Variants in TUNAR observed in about 807,000 individuals in gnomAD.
The protein encoded by TUNAR is transmembrane neural differentiation associated intracellular calcium regulator.
intron 2 of TUNAR, among the ~76,000 whole-genome samples, chr14:95,888,066 T>C (rs1378424678): frequency 6.6e-6 from 1 of 152,218 alleles, no homozygotes; most frequent in Non-Finnish European, 1.5e-5. Context: ...TCGAGTCAGA[T>C]TGTGAGGCAC....
At chr14:95,913,247 T>C (rs769331974) in intron 2 of TUNAR, among the ~76,000 whole-genome samples, 2 of 151,500 alleles carry the variant, frequency 1.3e-5, no homozygotes, top group Non-Finnish European at 2.9e-5. Context: ...GCTGCACCCA[T>C]CAACCCATCA....
rs1888983053 is a variant in TUNAR, at chr14:95,881,766, A to G, written c.12+4589A>G. Among the ~76,000 whole-genome samples the G allele has an allele frequency of 1.3e-5, 2 of 152,200 alleles. 1 individual carries two copies. The highest frequency in any genetic ancestry group is 4.1e-4 in the South Asian group (2 of 4,826). ...AGTGTGCAGAGCTGGCCAAGCATCC[A>G]CCATTCCCAGGACCAGAGATTCCAG... On this transcript the variant is annotated intron_variant, in intron 2 of 2. Transcript: ENST00000678517.
intron 2 of TUNAR, 55 bp from the exon 2 acceptor site, chr14:95,922,726 A>G (rs559002539): frequency 2.5e-6 from 1 of 396,240 alleles, no homozygotes; most frequent in East Asian, 3.6e-5. Context: ...CTGCCTGGCT[A>G]TGGAGGGCAT....
intron 2 of TUNAR, among the ~76,000 whole-genome samples, chr14:95,912,420 T>TAA (rs1889528372): frequency 6.6e-6 from 1 of 152,224 alleles, no homozygotes; most frequent in African/African-American, 2.4e-5. Context: ...TAATATTGTC[T>TAA]AAATAGATGC....
chr14:95,921,194 A>G (rs541291753), intron 2 of TUNAR, among the ~76,000 whole-genome samples: 24 of 152,280 alleles, frequency 1.6e-4, no homozygotes, highest in African/African-American at 5.5e-4. Context: ...TCCCAATTCA[A>G]ATGTTAATCT....
chr14:95,877,166 A>T (rs1479375000), exon 2 of TUNAR: 1 of 151,456 alleles, frequency 6.6e-6, no homozygotes, highest in Non-Finnish European at 1.5e-5. Context: ...CCGCCTCCGG[A>T]TGCGCTTCTC....
intron 2 of TUNAR, among the ~76,000 whole-genome samples, chr14:95,892,293 G>A (rs1258580254): frequency 1.3e-5 from 2 of 152,254 alleles, no homozygotes; most frequent in Non-Finnish European, 2.9e-5. Context: ...GTGCTCATGA[G>A]TCCCTCTGCC....
intron 2 of TUNAR, among the ~76,000 whole-genome samples, chr14:95,898,543 T>C (rs1187533348): frequency 6.6e-6 from 1 of 152,252 alleles, no homozygotes; most frequent in Non-Finnish European, 1.5e-5. Flanking sequence ...GATTATATTC[T>C]TCTACATTTT....
intron 2 of TUNAR, among the ~76,000 whole-genome samples, chr14:95,877,621 T>C (rs2139648640): frequency 6.6e-6 from 1 of 152,256 alleles, no homozygotes; most frequent in South Asian, 2.1e-4. Flanking sequence ...GGTCACAAGG[T>C]TAGGAAGTGG....
At chr14:95,879,425 T>A (rs926477482) in intron 2 of TUNAR, among the ~76,000 whole-genome samples, 1 of 152,206 alleles carries the variant, frequency 6.6e-6, no homozygotes, top group Non-Finnish European at 1.5e-5. Context: ...TAGCTTCTCA[T>A]GATTAACTGG....
At chr14:95,878,119 G>C (rs779113920) in intron 2 of TUNAR, among the ~76,000 whole-genome samples, 8 of 152,174 alleles carry the variant, frequency 5.3e-5, no homozygotes, top group Admixed American at 3.3e-4. Flanking sequence ...CACTGTGCAG[G>C]GGCTGGCCCA....
chr14:95,899,966 T>C (rs1595120265), intron 2 of TUNAR, among the ~76,000 whole-genome samples: 2 of 152,234 alleles, frequency 1.3e-5, no homozygotes, highest in Non-Finnish European at 2.9e-5. Flanking sequence ...AACTTTCTCC[T>C]ATAGAATATT....
chr14:95,914,922 G>A (rs1435774714), intron 2 of TUNAR, among the ~76,000 whole-genome samples: 1 of 152,106 alleles, frequency 6.6e-6, no homozygotes, highest in African/African-American at 2.4e-5. Flanking sequence ...CAAAAACCGT[G>A]GTGCTCCCTT....
intron 2 of TUNAR, among the ~76,000 whole-genome samples, chr14:95,898,422 C>A (rs1056409892): frequency 3.3e-5 from 5 of 152,202 alleles, no homozygotes; most frequent in African/African-American, 4.8e-5. Context: ...AAGCCCACGT[C>A]CTTCAGCTCT....
rs1009406918 is a variant in TUNAR, at chr14:95,916,315, C to G, written c.13-6466C>G. On this transcript the variant is annotated intron_variant, in intron 2 of 2. Transcript: ENST00000678517. ...CTTTGTGTTTTTATCACACTTGTAT[C>G]TCCATATAAAATATTGTTAGAATCT... Among the ~76,000 whole-genome samples the G allele has an allele frequency of 3.3e-5, 5 of 152,324 alleles. 1 individual carries two copies. The South Asian group carries it at 1.0e-3, about 32-fold the overall frequency.
chr14:95,916,218 GCATCCTCTC>G lies in TUNAR; in HGVS notation c.13-6556_13-6548del, dbSNP rs143519635. On this transcript the variant is annotated intron_variant, in intron 2 of 2. Transcript: ENST00000678517. ...TTACCAGTGGCTTAGAGAGTCCTGAGCATCCTCTCCATCCTGTCCACTTAGTGGGAACCA... is the reference window on the plus strand; with the variant it reads ...TTACCAGTGGCTTAGAGAGTCCTGAGCATCCTGTCCACTTAGTGGGAACCA... Among the ~76,000 whole-genome samples, 501 of 152,320 alleles carry G rather than the reference GCATCCTCTC, an allele frequency of 3.3e-3. 5 individuals are homozygous for G. The highest frequency in any genetic ancestry group is 0.012 in the African/African-American group (483 of 41,570).
chr14:95,906,224 G>A lies in TUNAR; in HGVS notation c.13-16557G>A, dbSNP rs925562757. Among the ~76,000 whole-genome samples, 3 of 152,050 alleles carry A rather than the reference G, an allele frequency of 2.0e-5. No homozygotes were observed. The South Asian group carries it at 6.2e-4, about 31-fold the overall frequency. On this transcript the variant is annotated intron_variant, in intron 2 of 2. Coordinates refer to ENST00000678517, the Ensembl canonical transcript of TUNAR. The stretch of plus-strand genomic sequence containing the variant: ...TGCCAGGTATGTTTATTGCCACTGA[G>A]CTGTCATTGCTTTTAGGCCTTTTAG...
chr14:95,882,365 G>A (rs985629358), intron 2 of TUNAR, among the ~76,000 whole-genome samples: 15 of 152,216 alleles, frequency 9.9e-5, no homozygotes, highest in African/African-American at 3.1e-4. Flanking sequence ...CCTCTGATAC[G>A]TGATTACTGC....
At chr14:95,883,722 AC>A (rs144578165) in intron 2 of TUNAR, among the ~76,000 whole-genome samples, 3 of 150,892 alleles carry the variant, frequency 2.0e-5, no homozygotes, top group African/African-American at 4.9e-5. Context: ...GGGCCAAGCC[AC>A]CCCCCCGCCG....
Sources: allele counts gnomAD v4.1 joint callset (sites outside exome capture counted in the v4.1 genomes callset), GRCh38; gene constraint gnomAD v4.1.1; transcripts MANE v1.5; gene names NCBI Gene and HGNC (gene_info 2026-07-23, HGNC 2026-07-21).